Variants in FYN observed in about 807,000 individuals in gnomAD.
The protein encoded by FYN is FYN proto-oncogene, Src family tyrosine kinase, also known as tyrosine-protein kinase Fyn.
In FYN, 10 loss-of-function variants were observed where a neutral mutation model predicts 70.2. That is an observed-to-expected ratio of 0.14 (90% CI 0.09 to 0.24). The LOEUF (loss-of-function observed/expected upper bound fraction) is 0.24, where lower values mean the gene tolerates loss of function less well. Ranked by LOEUF, FYN falls within the 10% of genes least tolerant of loss-of-function variation. FYN has a pLI of 1.00. For missense variants in FYN, 319 were observed against 673.1 expected (o/e 0.47, Z 5.82); for synonymous variants, 236 against 248.6 (o/e 0.95, Z 0.48).
rs559125355 is a variant in FYN at position 111,699,039 on chromosome 6, C to T, written c.862+1065G>A. On this transcript the variant is annotated intron_variant, in intron 9 of 13. Coordinates refer to ENST00000354650, the MANE Select transcript of FYN (RefSeq NM_002037.5). The stretch of plus-strand genomic sequence containing the variant: ...TGGAGGTTGCAGTGAGCCAATATCG[C>T]GCCATTGCACTCCAGCCTAGTGATA... 2.7e-4 allele frequency among the ~76,000 whole-genome samples: 41 copies of T among 152,264 alleles called. 1 individual carries two copies. The South Asian group carries it at 4.8e-3, about 18-fold the overall frequency.
chr6:111,790,635 T>C (rs909369731), intron 2 of FYN, among the ~76,000 whole-genome samples: 3 of 152,188 alleles, frequency 2.0e-5, no homozygotes, highest in African/African-American at 7.2e-5. Context: ...TAACATTGCA[T>C]TTTAAAGTAA....
intron 3 of FYN, among the ~76,000 whole-genome samples, chr6:111,753,611 T>C (rs1007699152): frequency 2.0e-5 from 3 of 150,618 alleles, no homozygotes; most frequent in African/African-American, 7.3e-5. Context: ...ATAAAATTAG[T>C]AAGGACAAAT....
intron 2 of FYN, among the ~76,000 whole-genome samples, chr6:111,824,828 T>C (rs1562534919): frequency 1.3e-5 from 2 of 152,250 alleles, no homozygotes. Context: ...AATGAGGTCT[T>C]GCACACTTTT....
At chr6:111,819,127 C>T (rs1053269435) in intron 2 of FYN, among the ~76,000 whole-genome samples, 3 of 152,162 alleles carry the variant, frequency 2.0e-5, no homozygotes, top group Non-Finnish European at 4.4e-5. Context: ...CTTTCCATTC[C>T]CTATTTTGGT....
At chr6:111,680,735 T>A (rs75960775) in intron 12 of FYN, among the ~76,000 whole-genome samples, 1 of 152,238 alleles carries the variant, frequency 6.6e-6, no homozygotes, top group Non-Finnish European at 1.5e-5. Flanking sequence ...CTGGGTACAT[T>A]TGTACTATTT....
chr6:111,683,239 A>G (rs1358833629), intron 12 of FYN, among the ~76,000 whole-genome samples: 1 of 152,234 alleles, frequency 6.6e-6, no homozygotes, highest in East Asian at 1.9e-4. Flanking sequence ...ACAGGAAAAG[A>G]GAACATAAGC....
intron 2 of FYN, among the ~76,000 whole-genome samples, chr6:111,787,941 C>T (rs1400637151): frequency 6.6e-6 from 1 of 152,202 alleles, no homozygotes; most frequent in Non-Finnish European, 1.5e-5. Flanking sequence ...AAACCCACCA[C>T]ATCAGCCGTA....
chr6:111,706,751 A>C (rs118101989), intron 6 of FYN, among the ~76,000 whole-genome samples: 18 of 152,386 alleles, frequency 1.2e-4, no homozygotes, highest in Non-Finnish European at 2.1e-4. Context: ...TTAAATATAT[A>C]GCTGACAAAT....
At chr6:111,806,515 G>T (rs1772155004) in intron 2 of FYN, among the ~76,000 whole-genome samples, 2 of 152,158 alleles carry the variant, frequency 1.3e-5, no homozygotes, top group African/African-American at 4.8e-5. Flanking sequence ...ACCACCAAAA[G>T]GAAAAGGCTT....
chr6:111,846,983 A>G lies in FYN; in HGVS notation c.-122-354T>C, dbSNP rs144269315. Among the ~76,000 whole-genome samples the G allele has an allele frequency of 1.2e-3, 188 of 152,250 alleles. 1 individual carries two copies. The highest frequency in any genetic ancestry group is 3.4e-3 in the Middle Eastern group (1 of 294). On this transcript the variant is annotated intron_variant, in intron 1 of 13. Transcript: ENST00000354650. ...TTTTCAGAGTCTCTACAAGTCATCA[A>G]TGGTTGGGGCACAATTAAAACTGAG... is the stretch of plus-strand genomic sequence containing the variant.
intron 2 of FYN, among the ~76,000 whole-genome samples, chr6:111,825,964 G>T (rs1488791868): frequency 6.6e-6 from 1 of 152,118 alleles, no homozygotes; most frequent in East Asian, 1.9e-4. Flanking sequence ...GGTGGGTCTG[G>T]ATACATTAAG....
chr6:111,864,258 C>A (rs188968884), intron 1 of FYN, among the ~76,000 whole-genome samples: 9 of 152,248 alleles, frequency 5.9e-5, no homozygotes, highest in Non-Finnish European at 1.2e-4. Context: ...AAAGAGATGG[C>A]GCAAATTTAG....
intron 1 of FYN, among the ~76,000 whole-genome samples, chr6:111,872,628 G>T (rs966857891): frequency 6.6e-6 from 1 of 152,140 alleles, no homozygotes; most frequent in African/African-American, 2.4e-5. Context: ...CACAGCCCCA[G>T]TCCCCGCGGG....
intron 2 of FYN, among the ~76,000 whole-genome samples, chr6:111,823,683 C>T (rs1300407251): frequency 6.6e-6 from 1 of 152,104 alleles, no homozygotes; most frequent in Non-Finnish European, 1.5e-5. Flanking sequence ...TGCTAATAAA[C>T]ATTTAATCCA....
chr6:111,801,323 G>A (rs557030742), intron 2 of FYN, among the ~76,000 whole-genome samples: 1 of 152,110 alleles, frequency 6.6e-6, no homozygotes, highest in Non-Finnish European at 1.5e-5. Flanking sequence ...GGTAAACCAT[G>A]GCCATCATCA....
At chr6:111,710,616 CA>C (rs1232750917) in intron 5 of FYN, among the ~76,000 whole-genome samples, 3 of 152,106 alleles carry the variant, frequency 2.0e-5, no homozygotes, top group Non-Finnish European at 4.4e-5. Flanking sequence ...CATAAAGTGA[CA>C]AAGATTCAAT....
intron 2 of FYN, among the ~76,000 whole-genome samples, chr6:111,816,192 G>C (rs1772484589): frequency 6.6e-6 from 1 of 151,572 alleles, no homozygotes; most frequent in South Asian, 2.1e-4. Flanking sequence ...CAAAAATATG[G>C]CATCTATTGA....
At chr6:111,673,609 C>T (rs1313568982) in intron 13 of FYN, among the ~76,000 whole-genome samples, 2 of 122,544 alleles carry the variant, frequency 1.6e-5, no homozygotes, top group East Asian at 2.9e-4. Flanking sequence ...TCGTCACTAT[C>T]GTTTCTATCA....
chr6:111,668,008 C>G (rs1013600988), intron 13 of FYN, among the ~76,000 whole-genome samples: 1 of 152,234 alleles, frequency 6.6e-6, no homozygotes, highest in African/African-American at 2.4e-5. Flanking sequence ...GGGAATCACA[C>G]AACGTTGTGC....
Sources: allele counts gnomAD v4.1 joint callset (sites outside exome capture counted in the v4.1 genomes callset), GRCh38; gene constraint gnomAD v4.1.1; transcripts MANE v1.5; gene names NCBI Gene and HGNC (gene_info 2026-07-23, HGNC 2026-07-21).